Variants in TTLL4 observed in about 807,000 individuals in gnomAD.
TTLL4 encodes tubulin monoglutamylase TTLL4.
In TTLL4, 85 loss-of-function variants were observed where a neutral mutation model predicts 122.7. The observed-to-expected ratio is 0.69, with a 90% CI of 0.58 to 0.83. TTLL4 has a LOEUF of 0.83. Ranked by LOEUF, TTLL4 falls within the 40% of genes least tolerant of loss-of-function variation. The probability of loss-of-function intolerance (pLI) is 0.00; values close to 1 mark genes in which losing one functional copy is unlikely to be tolerated. For missense variants in TTLL4, 1,363 were observed against 1,488.6 expected, an observed-to-expected ratio of 0.92 and a Z score of 1.39; for synonymous variants, 553 against 563.0, an observed-to-expected ratio of 0.98 and a Z score of 0.25.
At chr2:218,748,636 AAG>A (rs1942916500) in intron 12 of TTLL4, 198 bp from the exon 13 acceptor site, 2 of 523,094 alleles carry the variant, frequency 3.8e-6, no homozygotes, top group African/African-American at 2.0e-5. Flanking sequence ...GCCTGTGTGA[AAG>A]AGTGAAACTC....
chr2:218,746,870 G>C, intron 8 of TTLL4, 133 bp from the exon 9 acceptor site: 1 of 910,410 alleles, frequency 1.1e-6, no homozygotes, highest in South Asian at 1.7e-5. Context: ...AGGACCATTA[G>C]GGTGGTGATA....
chr2:218,729,496 C>G (rs1468081125), intron 2 of TTLL4, among the ~76,000 whole-genome samples: 1 of 151,896 alleles, frequency 6.6e-6, no homozygotes, highest in Non-Finnish European at 1.5e-5. Flanking sequence ...AAGAGTGAAG[C>G]CAGCTTGCTT....
At chr2:218,729,405 G>A (rs1942291777) in intron 2 of TTLL4, among the ~76,000 whole-genome samples, 1 of 151,890 alleles carries the variant, frequency 6.6e-6, no homozygotes, top group Admixed American at 6.6e-5. Context: ...CCCAGGAACG[G>A]TCTCCTCTTC....
In TTLL4 at chr2:218,754,553, C is replaced by T. The variant is rs757546467; in HGVS notation, c.*164C>T. On this transcript the variant is annotated 3_prime_UTR_variant, in exon 20 of 20. Transcript: ENST00000392102. The stretch of plus-strand genomic sequence containing the variant: ...TTATAGAGATGGGTATTTGTAGGGC[C>T]GGAGGGATGGTAGTGATGGGGAGAA... 3.9e-5 allele frequency: 36 copies of T among 930,660 alleles called. 1 individual carries two copies. In the African/African-American group the frequency reaches 4.2e-4, roughly 11 times the overall value. 57.7% of individuals were successfully genotyped at this position (930,660 alleles called of 1,614,324 possible).
intron 5 of TTLL4, 41 bp downstream of exon 5, chr2:218,740,625 T>G: frequency 6.2e-7 from 1 of 1,607,042 alleles, no homozygotes; most frequent in East Asian, 2.2e-5. Flanking sequence ...TGCTCATCTT[T>G]TGTCTCTTAA....
intron 14 of TTLL4, among the ~76,000 whole-genome samples, 173 bp downstream of exon 14, chr2:218,749,560 C>T (rs547327403): frequency 1.9e-4 from 29 of 152,038 alleles, no homozygotes; most frequent in Non-Finnish European, 2.4e-4. Flanking sequence ...CCTCCGCCTC[C>T]GGATTCAAGC....
downstream of TTLL4, among the ~76,000 whole-genome samples, chr2:218,757,180 C>A (rs1160510078): frequency 2.0e-5 from 3 of 152,166 alleles, no homozygotes; most frequent in Non-Finnish European, 4.4e-5. Flanking sequence ...AAGCCCTGTG[C>A]CCTAGGTGGG....
intron 8 of TTLL4, chr2:218,746,784 C>G: frequency 1.8e-6 from 1 of 566,662 alleles, no homozygotes; most frequent in Admixed American, 3.3e-5. Context: ...AGGTGAATAT[C>G]ACATCTGGCT....
chr2:218,754,378 G>T lies in TTLL4; in HGVS notation c.3589G>T (p.Val1197Leu). ...GTCAATCAGTGACTCCCTCCTGGCTGTGAGCCCATAACTGGCCTCTCTCCA... is the reference window on the plus strand; with the variant it reads ...GTCAATCAGTGACTCCCTCCTGGCTTTGAGCCCATAACTGGCCTCTCTCCA... ...FQSISDSLLA[V>L]SP The change falls in exon 20 of 20, where the codon GTG becomes TTG. Residue 1197 changes from valine (V) to leucine (L), a missense_variant. Transcript: ENST00000392102. 1 of 1,614,174 alleles carries T rather than the reference G, an allele frequency of 6.2e-7. No homozygotes were observed. Among genetic ancestry groups the T allele is most frequent in the Non-Finnish European group, 8.5e-7 (1 of 1,180,036 alleles).
At chr2:218,721,613 G>A (rs1942043028) in intron 1 of TTLL4, among the ~76,000 whole-genome samples, 3 of 152,176 alleles carry the variant, frequency 2.0e-5, no homozygotes, top group Admixed American at 1.3e-4. Context: ...TCTGTACTGT[G>A]TTAAGAGTGA....
chr2:218,739,300 C>A, intron 3 of TTLL4, 137 bp downstream of exon 3: 1 of 1,033,858 alleles, frequency 9.7e-7, no homozygotes, highest in Non-Finnish European at 1.4e-6. Flanking sequence ...CACTTCAGGG[C>A]AAGGGTTGGG....
intron 7 of TTLL4, 60 bp from the exon 8 acceptor site, chr2:218,746,095 C>T (rs1942834468): frequency 6.3e-7 from 1 of 1,595,204 alleles, no homozygotes; most frequent in South Asian, 1.1e-5. Flanking sequence ...GGCCTCTGGG[C>T]CTCTCTCTGT....
chr2:218,746,973 T>G, intron 8 of TTLL4, 30 bp from the exon 9 acceptor site: 1 of 1,609,012 alleles, frequency 6.2e-7, no homozygotes, highest in Non-Finnish European at 8.5e-7. Flanking sequence ...CTCTGCCCTC[T>G]TCCTGCACTC....
intron 5 of TTLL4, among the ~76,000 whole-genome samples, chr2:218,742,144 T>C (rs1035566833): frequency 1.3e-5 from 2 of 151,902 alleles, no homozygotes; most frequent in African/African-American, 4.8e-5. Flanking sequence ...AAATTTTTTT[T>C]GTAGAGTTGT....
In TTLL4 at chr2:218,725,803, G is replaced by A. The variant is rs1424353065; in HGVS notation, c.-177-1466G>A. Reference sequence around the variant, plus strand: ...ACTCCTGGCCTCAAGTGGTCTGCCCGCCTCAGCCTCCCAAGGTGCTGGGAT... The same window carrying A: ...ACTCCTGGCCTCAAGTGGTCTGCCCACCTCAGCCTCCCAAGGTGCTGGGAT... On this transcript the variant is annotated intron_variant, in intron 1 of 19. Coordinates refer to ENST00000392102, the MANE Select transcript of TTLL4 (RefSeq NM_014640.5). 9.9e-5 allele frequency among the ~76,000 whole-genome samples: 15 copies of A among 151,998 alleles called. No individual in the cohort carries two copies. In the South Asian group the frequency reaches 1.7e-3, roughly 17 times the overall value.
chr2:218,711,431 C>T (rs956583545), intron 1 of TTLL4, among the ~76,000 whole-genome samples: 1 of 149,904 alleles, frequency 6.7e-6, no homozygotes, highest in African/African-American at 2.6e-5. Flanking sequence ...ACATGGATAT[C>T]TGCTTTTTCA....
intron 6 of TTLL4, chr2:218,745,477 T>G: frequency 1.6e-6 from 1 of 640,292 alleles, no homozygotes; most frequent in Non-Finnish European, 2.7e-6. Flanking sequence ...CCTTGTTGCT[T>G]TTCCCTTTCA....
At position 218,738,668 on chromosome 2, in the gene TTLL4, C is replaced by G; in HGVS notation, c.992C>G (p.Thr331Ser). Reference sequence around the variant, plus strand: ...GACAGCTCTGATTCCCAGGATCCAACTAAGGAGATTCGGTTCACTGAGGCC... The same window carrying G: ...GACAGCTCTGATTCCCAGGATCCAAGTAAGGAGATTCGGTTCACTGAGGCC... ...LDDSSDSQDP[T>S]KEIRFTEAVR... Residue 331 changes from threonine to serine, a missense_variant, in exon 3 of 20, where the codon ACT becomes AGT. This residue lies in a region of TTLL4 where 760 missense variants were observed against 808.4 expected (regional missense o/e 0.94). Coordinates refer to ENST00000392102, the MANE Select transcript of TTLL4 (RefSeq NM_014640.5). The G allele has an allele frequency of 3.1e-6, 5 of 1,614,206 alleles. No homozygotes were observed. Among genetic ancestry groups the G allele is most frequent in the Non-Finnish European group, 4.2e-6 (5 of 1,180,040 alleles).
At chr2:218,742,012 G>GTGC (rs1672754216) in intron 5 of TTLL4, among the ~76,000 whole-genome samples, 1 of 152,138 alleles carries the variant, frequency 6.6e-6, no homozygotes, top group Admixed American at 6.6e-5. Context: ...CCAGGCTAGA[G>GTGC]TGCAGTGGAT....
Sources: allele counts gnomAD v4.1 joint callset (sites outside exome capture counted in the v4.1 genomes callset), GRCh38; gene constraint gnomAD v4.1.1; regional missense constraint gnomAD v4.1.1; transcripts MANE v1.5; gene names NCBI Gene and HGNC (gene_info 2026-07-23, HGNC 2026-07-21).